EXOG: variants seen among roughly 807,000 people sequenced by gnomAD.
EXOG encodes the protein exo/endonuclease G.
Under a neutral mutation model 25.8 loss-of-function variants are expected in EXOG, and 27 were observed. The observed-to-expected ratio is 1.05, with a 90% CI of 0.77 to 1.45. EXOG has a LOEUF of 1.45. EXOG is among the 40% of genes most tolerant of loss of function. The pLI, the probability that EXOG is intolerant of heterozygous loss-of-function variation, is 0.00. For missense variants in EXOG, 458 were observed against 450.5 expected, an observed-to-expected ratio of 1.02 and a Z score of -0.15; for synonymous variants, 133 against 167.0, an observed-to-expected ratio of 0.80 and a Z score of 1.57.
chr3:38,508,046 G>A (rs562786749), intron 5 of EXOG, among the ~76,000 whole-genome samples: 4 of 152,216 alleles, frequency 2.6e-5, no homozygotes, highest in African/African-American at 4.8e-5. Flanking sequence ...CAGAAGAATC[G>A]CTTGAACCCA....
At chr3:38,517,295 C>T (rs1369554878) in intron 5 of EXOG, among the ~76,000 whole-genome samples, 2 of 152,210 alleles carry the variant, frequency 1.3e-5, no homozygotes, top group South Asian at 2.1e-4. Flanking sequence ...TTAATGTTTA[C>T]TGTGATTGTT....
chr3:38,516,098 T>C (rs555586296), intron 5 of EXOG, among the ~76,000 whole-genome samples: 134 of 152,322 alleles, frequency 8.8e-4, no homozygotes, highest in Middle Eastern at 6.8e-3. Flanking sequence ...AAGTTCACGG[T>C]AGTTCTTAGT....
At chr3:38,499,099 A>G (rs1157702586) in intron 2 of EXOG, 1 of 372,314 alleles carries the variant, frequency 2.7e-6, no homozygotes, top group Non-Finnish European at 5.3e-6. Context: ...GTTATTCTTT[A>G]CCTATTTCAG....
intron 3 of EXOG, among the ~76,000 whole-genome samples, chr3:38,502,670 T>TA (rs746135140): frequency 7.2e-5 from 11 of 152,334 alleles, no homozygotes; most frequent in Non-Finnish European, 1.5e-4. Flanking sequence ...TAATATTATC[T>TA]AAAATACAAT....
At chr3:38,503,572 G>T in intron 3 of EXOG, 43 bp from the exon 4 acceptor site, 1 of 1,062,894 alleles carries the variant, frequency 9.4e-7, no homozygotes, top group Non-Finnish European at 1.4e-6. Flanking sequence ...CTTTTAAAGG[G>T]GAAAGCATTT....
chr3:38,497,574 G>A lies in EXOG; in HGVS notation c.164-55G>A, dbSNP rs1040077580. ...TTCATTATTAAGAGCCACTAATTGT[G>A]TGTGTGTGTTTTTTTTGTCTCTGCC... On this transcript the variant is annotated intron_variant, in intron 1 of 5. Coordinates refer to ENST00000287675, the MANE Select transcript of EXOG (RefSeq NM_005107.4). 3.3e-6 allele frequency: 5 copies of A among 1,527,338 alleles called. No individual in the cohort carries two copies. In the South Asian group the frequency reaches 3.8e-5, roughly 12 times the overall value. 94.6% of individuals were successfully genotyped at this position (1,527,338 alleles called of 1,614,324 possible). A position where few individuals can be genotyped will look rare whatever the true frequency, so the allele number is the denominator to read the frequency against.
chr3:38,503,567 A>G, intron 3 of EXOG, 48 bp from the exon 4 acceptor site: 2 of 1,029,014 alleles, frequency 1.9e-6, no homozygotes, highest in Non-Finnish European at 3.0e-6. Flanking sequence ...AATATCTTTT[A>G]AAGGGGAAAG....
At chr3:38,497,074 A>T in intron 1 of EXOG, 1 of 859,132 alleles carries the variant, frequency 1.2e-6, no homozygotes, top group African/African-American at 2.9e-5. Context: ...CTTATATTTG[A>T]CAAAAAAAAA....
chr3:38,504,827 A>G (rs902026267), intron 4 of EXOG, among the ~76,000 whole-genome samples: 10 of 152,130 alleles, frequency 6.6e-5, no homozygotes, highest in Non-Finnish European at 1.2e-4. Context: ...TATGCATCTA[A>G]AACTAACGGT....
chr3:38,517,774 T>C (rs922582983), intron 5 of EXOG, among the ~76,000 whole-genome samples: 12 of 152,236 alleles, frequency 7.9e-5, no homozygotes, highest in Admixed American at 1.3e-4. Context: ...TGTATGTATA[T>C]GTAAAGTTGA....
chr3:38,524,815 A>G lies in EXOG; in HGVS notation c.*453A>G, dbSNP rs1391598767. On this transcript the variant is annotated 3_prime_UTR_variant, in exon 6 of 6. Coordinates refer to ENST00000287675, the MANE Select transcript of EXOG (RefSeq NM_005107.4). The stretch of plus-strand genomic sequence containing the variant: ...AACAGGAAGACTGCCCACAGATGAC[A>G]CTGCATTTGTATCCCTGTGGATGTA... 1.0e-6 allele frequency: 1 copy of G among 988,334 alleles called. No individual in the cohort carries two copies. Among genetic ancestry groups the G allele is most frequent in the African/African-American group, 1.7e-5 (1 of 57,278 alleles). The allele number at this position is 988,334 out of a possible 1,614,324, so 61.2% of individuals were successfully genotyped here.
Position 38,524,209 on chromosome 3 carries a change from A to AGC in EXOG, c.955_956dup (p.Arg320ProfsTer14). 6.2e-7 allele frequency: 1 copy of AGC among 1,614,202 alleles called. No individual in the cohort carries two copies. The highest frequency in any genetic ancestry group is 8.5e-7 in the Non-Finnish European group (1 of 1,180,022). On this transcript the variant is annotated frameshift_variant, in exon 6 of 6. Coordinates refer to ENST00000287675, the MANE Select transcript of EXOG (RefSeq NM_005107.4). LOFTEE classifies it low-confidence loss of function (END_TRUNC). ...ACTTGAGTACAAGAAAGATTGAAGG[A>AGC]GCCCGATCAGTGCTCAGACTGGAAA...
chr3:38,516,305 T>C (rs760148862), intron 5 of EXOG, among the ~76,000 whole-genome samples: 2 of 152,312 alleles, frequency 1.3e-5, no homozygotes, highest in South Asian at 4.1e-4. Context: ...TCTATATTTA[T>C]TAGTGTTTTG....
At chr3:38,504,191 C>A (rs1200459638) in intron 4 of EXOG, among the ~76,000 whole-genome samples, 1 of 151,972 alleles carries the variant, frequency 6.6e-6, no homozygotes, top group Non-Finnish European at 1.5e-5. Flanking sequence ...CATAGTGAAG[C>A]CTTGTCTCTA....
chr3:38,519,266 G>T (rs1217056408), intron 5 of EXOG: 2 of 152,166 alleles, frequency 1.3e-5, no homozygotes, highest in Admixed American at 6.6e-5. Flanking sequence ...ATATAGCTGA[G>T]GTCATCCCTG....
chr3:38,518,117 A>C (rs555757387), intron 5 of EXOG, among the ~76,000 whole-genome samples: 1 of 152,294 alleles, frequency 6.6e-6, no homozygotes, highest in Admixed American at 6.5e-5. Context: ...ATGTATCTAT[A>C]AACTTGGGAG....
At chr3:38,506,818 G>T (rs754491602) in intron 4 of EXOG, 36 bp from the exon 5 acceptor site, 22 of 1,029,716 alleles carry the variant, frequency 2.1e-5, no homozygotes, top group Non-Finnish European at 3.3e-5. Context: ...ATGTATATAT[G>T]TGAGAATATC....
At chr3:38,509,074 T>C (rs1027144692) in intron 5 of EXOG, among the ~76,000 whole-genome samples, 2 of 152,180 alleles carry the variant, frequency 1.3e-5, no homozygotes, top group African/African-American at 4.8e-5. Context: ...TTTAGTATAT[T>C]TTATAGTCTT....
intron 5 of EXOG, among the ~76,000 whole-genome samples, chr3:38,511,403 T>G (rs895319003): frequency 3.3e-5 from 5 of 152,068 alleles, no homozygotes; most frequent in Non-Finnish European, 7.4e-5. Flanking sequence ...AAAAAAGGAA[T>G]AACATTAAAA....
Sources: allele counts gnomAD v4.1 joint callset (sites outside exome capture counted in the v4.1 genomes callset), GRCh38; gene constraint gnomAD v4.1.1; transcripts MANE v1.5; gene names NCBI Gene and HGNC (gene_info 2026-07-23, HGNC 2026-07-21).